GLT8D2: variants seen among roughly 807,000 people sequenced by gnomAD.
GLT8D2 encodes glycosyltransferase 8 domain containing 2, also known as glycosyltransferase 8 domain-containing protein 2.
In GLT8D2, 45 loss-of-function variants were observed where a neutral mutation model predicts 44.5. The observed-to-expected ratio is 1.01, with a 90% CI of 0.80 to 1.30. GLT8D2 has a LOEUF of 1.30. Ranked by LOEUF, GLT8D2 falls within the 50% of genes most tolerant of loss-of-function variation. The probability of loss-of-function intolerance (pLI) is 0.00; values close to 1 mark genes in which losing one functional copy is unlikely to be tolerated. For synonymous variants in GLT8D2, 156 were observed against 157.2 expected (o/e 0.99, Z 0.06); for missense variants, 400 against 430.4 (o/e 0.93, Z 0.62).
chr12:103,991,030 A>C (rs1872685075), intron 10 of GLT8D2, among the ~76,000 whole-genome samples: 1 of 152,174 alleles, frequency 6.6e-6, no homozygotes, highest in East Asian at 1.9e-4. Flanking sequence ...ACATCCTGAA[A>C]CCTCATTTTT....
At chr12:104,032,567 A>G (rs990877971) in intron 1 of GLT8D2, among the ~76,000 whole-genome samples, 7 of 152,106 alleles carry the variant, frequency 4.6e-5, no homozygotes, top group African/African-American at 1.7e-4. Flanking sequence ...AAGATACTAA[A>G]CATCACTAAT....
At chr12:104,040,610 G>C (rs1880432115) in intron 1 of GLT8D2, among the ~76,000 whole-genome samples, 1 of 151,986 alleles carries the variant, frequency 6.6e-6, no homozygotes, top group Non-Finnish European at 1.5e-5. Context: ...ATATTTAGTA[G>C]AGATGGGGTT....
chr12:104,059,767 C>T (rs1001086783), intron 1 of GLT8D2, among the ~76,000 whole-genome samples: 1 of 152,048 alleles, frequency 6.6e-6, no homozygotes, highest in African/African-American at 2.4e-5. Flanking sequence ...GAGAGGCAGG[C>T]AAGGAGAAGG....
At chr12:104,023,904 A>G (rs1312187189) in intron 1 of GLT8D2, among the ~76,000 whole-genome samples, 1 of 152,200 alleles carries the variant, frequency 6.6e-6, no homozygotes, top group Non-Finnish European at 1.5e-5. Flanking sequence ...ATTCCGTTGA[A>G]TGGATATACC....
intron 1 of GLT8D2, among the ~76,000 whole-genome samples, chr12:104,055,574 A>T (rs544862995): frequency 6.6e-6 from 1 of 152,334 alleles, no homozygotes; most frequent in African/African-American, 2.4e-5. Flanking sequence ...ATATGTATGC[A>T]TTTCACATGC....
chr12:104,017,969 T>C (rs1363919533), intron 3 of GLT8D2, among the ~76,000 whole-genome samples: 2 of 152,112 alleles, frequency 1.3e-5, no homozygotes, highest in African/African-American at 4.8e-5. Context: ...TATTATTTTA[T>C]CTTTTTTTTT....
chr12:104,015,183 G>A (rs545948183), intron 3 of GLT8D2, 78 bp from the exon 4 acceptor site: 13 of 1,008,522 alleles, frequency 1.3e-5, no homozygotes, highest in African/African-American at 9.5e-5. Context: ...ATGGTAGTGC[G>A]AGTAGGTGCC....
At chr12:104,001,901 G>A (rs532281916) in intron 5 of GLT8D2, among the ~76,000 whole-genome samples, 14 of 152,058 alleles carry the variant, frequency 9.2e-5, no homozygotes, top group African/African-American at 2.7e-4. Flanking sequence ...ACGGGGTTTC[G>A]CCATATTGAC....
intron 1 of GLT8D2, among the ~76,000 whole-genome samples, chr12:104,029,425 T>C (rs1878976281): frequency 3.3e-5 from 5 of 152,156 alleles, no homozygotes. Flanking sequence ...GGTATGGTTA[T>C]GTAGGAGTAT....
In GLT8D2 at chr12:103,993,349, T is replaced by C. The variant is rs770341920; in HGVS notation, c.880+43A>G. 6 of 1,430,522 alleles carry C rather than the reference T, an allele frequency of 4.2e-6. No homozygotes were observed. The East Asian group carries it at 6.8e-5, about 16-fold the overall frequency. The allele number at this position is 1,430,522 out of a possible 1,614,324, so 88.6% of individuals were successfully genotyped here. On this transcript the variant is annotated intron_variant, in intron 10 of 10. Transcript: ENST00000360814. ...CTGTCTCAAAAATACAAAAATAAAA[T>C]GGACATTTGCGTTTTTCTAAACAGT...
intron 4 of GLT8D2, among the ~76,000 whole-genome samples, chr12:104,004,888 G>A (rs1435871854): frequency 1.3e-5 from 2 of 152,088 alleles, no homozygotes; most frequent in East Asian, 3.8e-4. Flanking sequence ...ATACTTTAAA[G>A]TTCATATGGA....
intron 3 of GLT8D2, among the ~76,000 whole-genome samples, chr12:104,018,214 C>T (rs775840571): frequency 6.6e-6 from 1 of 152,134 alleles, no homozygotes; most frequent in Non-Finnish European, 1.5e-5. Context: ...TCAAGCAATC[C>T]ACCTGCCTCG....
rs373072964 is a variant in GLT8D2, at chr12:103,994,515, G to C, written c.601-14C>G. The C allele has an allele frequency of 3.3e-5, 53 of 1,584,818 alleles. No individual in the cohort carries two copies. In the Middle Eastern group the frequency reaches 5.2e-4, roughly 15 times the overall value. ...CATATATGTGTTCTGTAAGGGAACA[G>C]GATGTGCATGCTTTTGACCAGCGAA... On this transcript the variant is annotated splice_polypyrimidine_tract_variant and intron_variant, in intron 8 of 10. Coordinates refer to ENST00000360814, the MANE Select transcript of GLT8D2 (RefSeq NM_001384711.1).
intron 10 of GLT8D2, among the ~76,000 whole-genome samples, chr12:103,992,618 G>A (rs944143120): frequency 6.6e-5 from 10 of 151,208 alleles, no homozygotes; most frequent in Admixed American, 2.6e-4. Context: ...TCAGCCTCCC[G>A]AGTAGCTGGG....
chr12:103,995,841 A>G (rs1484010001), intron 8 of GLT8D2, among the ~76,000 whole-genome samples: 1 of 152,238 alleles, frequency 6.6e-6, no homozygotes, highest in East Asian at 1.9e-4. Context: ...TACTTTCTAT[A>G]CACCAGGCCC....
At chr12:103,998,036 T>G (rs1566191077) in intron 6 of GLT8D2, among the ~76,000 whole-genome samples, 1 of 151,830 alleles carries the variant, frequency 6.6e-6, no homozygotes, top group Non-Finnish European at 1.5e-5. Context: ...GGGTAGGAAC[T>G]TCGAAGTTTC....
At chr12:104,022,199 G>A (rs776161000) in intron 1 of GLT8D2, among the ~76,000 whole-genome samples, 49 of 152,010 alleles carry the variant, frequency 3.2e-4, no homozygotes, top group Admixed American at 2.0e-3. Flanking sequence ...ATATTCCAGG[G>A]GATGGTCACT....
chr12:104,013,728 G>A (rs1180032920), intron 4 of GLT8D2, among the ~76,000 whole-genome samples: 2 of 151,996 alleles, frequency 1.3e-5, no homozygotes, highest in African/African-American at 4.8e-5. Flanking sequence ...ACAAAACTGT[G>A]GAATAAATGT....
chr12:104,034,366 G>A (rs146208051), intron 1 of GLT8D2, among the ~76,000 whole-genome samples: 5,381 of 152,300 alleles, frequency 0.035, 316 homozygotes, highest in African/African-American at 0.12. Flanking sequence ...CCAAAGGGTC[G>A]GGGGATTTCC....
Sources: allele counts gnomAD v4.1 joint callset (sites outside exome capture counted in the v4.1 genomes callset), GRCh38; gene constraint gnomAD v4.1.1; transcripts MANE v1.5; gene names NCBI Gene and HGNC (gene_info 2026-07-23, HGNC 2026-07-21).